The following CNIH3 variants were observed in gnomAD, a reference collection of about 807,000 sequenced individuals.
CNIH3 encodes the protein cornichon family AMPA receptor auxiliary protein 3, also known as protein cornichon homolog 3.
In CNIH3, 14 loss-of-function variants were observed where a neutral mutation model predicts 24.1. The ratio of observed to expected loss-of-function variants is 0.58; its 90% confidence interval spans 0.38 to 0.91. The LOEUF (loss-of-function observed/expected upper bound fraction) is 0.91. Among genes scored for constraint, CNIH3 ranks in the 40% least tolerant of loss-of-function variants. The pLI, the probability that CNIH3 is intolerant of heterozygous loss-of-function variation, is 0.00. For synonymous variants in CNIH3, 68 were observed against 73.8 expected (o/e 0.92, Z 0.40); for missense variants, 178 against 196.8 (o/e 0.90, Z 0.57).
intron 3 of CNIH3, among the ~76,000 whole-genome samples, chr1:224,606,885 C>T (rs1407071204): frequency 6.6e-6 from 1 of 152,138 alleles, no homozygotes; most frequent in Non-Finnish European, 1.5e-5. Context: ...GAAAGCCTCC[C>T]AGAAGCTTTT....
downstream of CNIH3, among the ~76,000 whole-genome samples, chr1:224,592,801 A>G (rs1450362822): frequency 6.6e-6 from 1 of 152,172 alleles, no homozygotes; most frequent in African/African-American, 2.4e-5. Flanking sequence ...GGTTCTGAGT[A>G]GGACGATTCC....
intron 2 of CNIH3, among the ~76,000 whole-genome samples, chr1:224,535,970 G>A (rs983465643): frequency 6.6e-6 from 1 of 152,186 alleles, no homozygotes; most frequent in Non-Finnish European, 1.5e-5. Context: ...TCGCCCTCTG[G>A]CTCTTTTGTT....
At chr1:224,726,146 A>G (rs1470575922) in intron 3 of CNIH3, among the ~76,000 whole-genome samples, 8 of 152,256 alleles carry the variant, frequency 5.3e-5, no homozygotes, top group Non-Finnish European at 1.0e-4. Flanking sequence ...GGTGGAGGGC[A>G]CATGTGTGCA....
chr1:224,723,769 G>T (rs1421890919), intron 3 of CNIH3, among the ~76,000 whole-genome samples: 2 of 152,202 alleles, frequency 1.3e-5, no homozygotes, highest in Non-Finnish European at 2.9e-5. Flanking sequence ...CAGCCATGAG[G>T]GTCCAATTCT....
intron 3 of CNIH3, among the ~76,000 whole-genome samples, chr1:224,691,539 C>T (rs892243860): frequency 2.0e-5 from 3 of 152,200 alleles, no homozygotes; most frequent in African/African-American, 7.2e-5. Context: ...GCATGGGGAA[C>T]CTACCTGAGC....
At chr1:224,465,258 C>T (rs1676108093) in intron 1 of CNIH3, among the ~76,000 whole-genome samples, 1 of 152,176 alleles carries the variant, frequency 6.6e-6, no homozygotes, top group African/African-American at 2.4e-5. Flanking sequence ...TACAGGCATG[C>T]ACCACCACAC....
chr1:224,550,708 T>G (rs1679880524), intron 3 of CNIH3, among the ~76,000 whole-genome samples: 1 of 151,912 alleles, frequency 6.6e-6, no homozygotes, highest in Non-Finnish European at 1.5e-5. Flanking sequence ...ATTTCTTTTC[T>G]TTTTTTTATT....
chr1:224,561,257 G>A (rs1680362569), intron 3 of CNIH3, among the ~76,000 whole-genome samples: 2 of 152,050 alleles, frequency 1.3e-5, no homozygotes, highest in African/African-American at 2.4e-5. Context: ...ATGTATTCTA[G>A]TGCATCTCTC....
chr1:224,597,327 C>T (rs1312942801), intron 3 of CNIH3, among the ~76,000 whole-genome samples: 4 of 152,190 alleles, frequency 2.6e-5, no homozygotes, highest in African/African-American at 9.7e-5. Flanking sequence ...CTCTGATCTA[C>T]CTTGTCTGAC....
intron 5 of CNIH3, among the ~76,000 whole-genome samples, chr1:224,738,988 C>T (rs1469098131): frequency 1.3e-5 from 2 of 152,200 alleles, no homozygotes; most frequent in Non-Finnish European, 2.9e-5. Flanking sequence ...GAATCCACTG[C>T]ACCCCCACCT....
At chr1:224,490,839 T>C (rs1677211572) in intron 1 of CNIH3, among the ~76,000 whole-genome samples, 1 of 152,138 alleles carries the variant, frequency 6.6e-6, no homozygotes, top group African/African-American at 2.4e-5. Context: ...TCAGAGAGAC[T>C]CCAGGGATGC....
intron 1 of CNIH3, among the ~76,000 whole-genome samples, chr1:224,649,429 G>T (rs1277364577): frequency 6.6e-6 from 1 of 152,204 alleles, no homozygotes; most frequent in Non-Finnish European, 1.5e-5. Context: ...CTCTAGAACT[G>T]TAGGATAATA....
chr1:224,640,788 G>T (rs1438556808), intron 1 of CNIH3, among the ~76,000 whole-genome samples: 1 of 152,118 alleles, frequency 6.6e-6, no homozygotes, highest in Non-Finnish European at 1.5e-5. Flanking sequence ...GCCACCATCT[G>T]CCAAGATTCC....
intron 1 of CNIH3, among the ~76,000 whole-genome samples, chr1:224,646,364 G>A (rs1684607121): frequency 6.6e-6 from 1 of 152,168 alleles, no homozygotes; most frequent in Admixed American, 6.5e-5. Context: ...GTTGCCTTGG[G>A]GAGTGCTCCC....
chr1:224,523,447 G>A (rs1194284169), intron 2 of CNIH3, among the ~76,000 whole-genome samples: 1 of 152,166 alleles, frequency 6.6e-6, no homozygotes, highest in Non-Finnish European at 1.5e-5. Flanking sequence ...TTGATATGAT[G>A]AAATACCATA....
chr1:224,435,522 C>G (rs886113461), intron 1 of CNIH3, among the ~76,000 whole-genome samples: 1 of 152,170 alleles, frequency 6.6e-6, no homozygotes, highest in African/African-American at 2.4e-5. Context: ...AGGCTTCACT[C>G]TTTTTTAGCA....
intron 1 of CNIH3, among the ~76,000 whole-genome samples, chr1:224,632,927 C>T (rs1421519832): frequency 2.6e-5 from 4 of 152,148 alleles, no homozygotes; most frequent in Non-Finnish European, 5.9e-5. Flanking sequence ...CTGAGGGGCA[C>T]TCCTTAGCAA....
chr1:224,736,270 A>G (rs1395937836), intron 5 of CNIH3, among the ~76,000 whole-genome samples: 2 of 152,052 alleles, frequency 1.3e-5, no homozygotes, highest in African/African-American at 4.8e-5. Flanking sequence ...AATTATAGGC[A>G]TGTACCACCA....
intron 4 of CNIH3, chr1:224,566,399 T>C (rs1572489414): frequency 1.3e-5 from 2 of 152,196 alleles, no homozygotes; most frequent in East Asian, 3.9e-4. Flanking sequence ...TACTTTAAGT[T>C]CTGGGGTACA....
Sources: allele counts gnomAD v4.1 joint callset (sites outside exome capture counted in the v4.1 genomes callset), GRCh38; gene constraint gnomAD v4.1.1; transcripts MANE v1.5; gene names NCBI Gene and HGNC (gene_info 2026-07-23, HGNC 2026-07-21).